HMCN2: variants seen among roughly 807,000 people sequenced by gnomAD.
HMCN2 encodes the protein hemicentin-2.
A neutral mutation model predicts 377.5 loss-of-function variants in HMCN2; 325 were observed. The ratio of observed to expected loss-of-function variants is 0.86; its 90% CI spans 0.79 to 0.94. The LOEUF is 0.94. Ranked by LOEUF, HMCN2 falls within the 40% of genes least tolerant of loss-of-function variation. HMCN2 has a pLI of 0.00. For synonymous variants in HMCN2, 2,007 were observed against 2,046.8 expected, an observed-to-expected ratio of 0.98 and a Z score of 0.53; for missense variants, 4,543 against 4,725.3, an observed-to-expected ratio of 0.96 and a Z score of 1.13.
At chr9:130,327,643 G>A (rs1838211432) in intron 22 of HMCN2, among the ~76,000 whole-genome samples, 168 bp downstream of exon 22, 2 of 152,324 alleles carry the variant, frequency 1.3e-5, no homozygotes, top group South Asian at 4.1e-4. Context: ...CCAGAAGCCT[G>A]GAAGGGGCCT....
chr9:130,395,367 C>T lies in HMCN2; in HGVS notation c.10911+20C>T, dbSNP rs1842559671. ...CTGCAGGTGGGCGCCAGGCAGGGCCCCAGGGTGCTGCCTTCTGTCCCGCTC... is the reference window on the plus strand; with the variant it reads ...CTGCAGGTGGGCGCCAGGCAGGGCCTCAGGGTGCTGCCTTCTGTCCCGCTC... On this transcript the variant is annotated intron_variant, in intron 71 of 97. Transcript: ENST00000683500. 3.1e-6 allele frequency: 4 copies of T among 1,279,828 alleles called. No homozygotes were observed. Among genetic ancestry groups the T allele is most frequent in the Non-Finnish European group, 4.1e-6 (4 of 984,100 alleles). 79.3% of individuals were successfully genotyped at this position (1,279,828 alleles called of 1,614,324 possible).
chr9:130,275,900 G>C (rs1260283635), intron 1 of HMCN2, among the ~76,000 whole-genome samples: 1 of 152,076 alleles, frequency 6.6e-6, no homozygotes, highest in African/African-American at 2.4e-5. Context: ...TGAGGTGTGA[G>C]CTGGACTAGG....
At chr9:130,403,472 C>A in intron 79 of HMCN2, 144 bp downstream of exon 79, 2 of 953,866 alleles carry the variant, frequency 2.1e-6, no homozygotes, top group Non-Finnish European at 2.8e-6. Flanking sequence ...GATACGCCCC[C>A]ACCCTTGCTC....
intron 80 of HMCN2, among the ~76,000 whole-genome samples, chr9:130,404,618 T>C (rs1843000270): frequency 1.3e-5 from 2 of 152,262 alleles, no homozygotes; most frequent in African/African-American, 4.8e-5. Flanking sequence ...TGTGTGCGTG[T>C]ATATGTGCAT....
intron 66 of HMCN2, among the ~76,000 whole-genome samples, chr9:130,392,895 C>G (rs1486399970): frequency 6.6e-6 from 1 of 151,900 alleles, no homozygotes; most frequent in Non-Finnish European, 1.5e-5. Flanking sequence ...ACTCGGGAGG[C>G]TGAGGCAGGA....
intron 8 of HMCN2, among the ~76,000 whole-genome samples, chr9:130,300,396 A>G (rs1836443416): frequency 6.6e-6 from 1 of 152,220 alleles, no homozygotes. Context: ...GCTCTTCCAT[A>G]ATCACAATCA....
chr9:130,420,238 C>A (rs892193303), intron 86 of HMCN2, among the ~76,000 whole-genome samples: 2 of 152,006 alleles, frequency 1.3e-5, no homozygotes, highest in African/African-American at 4.8e-5. Context: ...CCATGCCCGG[C>A]TAGTTTTTTG....
intron 4 of HMCN2, among the ~76,000 whole-genome samples, chr9:130,291,101 C>T (rs1295794956): frequency 6.6e-6 from 1 of 152,198 alleles, no homozygotes; most frequent in Non-Finnish European, 1.5e-5. Flanking sequence ...CTTTCTTCTT[C>T]AGCTTTCCAG....
chr9:130,307,784 A>G lies in HMCN2; in HGVS notation c.2200+218A>G, dbSNP rs112037614. Among the ~76,000 whole-genome samples, 39 of 152,122 alleles carry G rather than the reference A, an allele frequency of 2.6e-4. 1 individual carries two copies. Among genetic ancestry groups the G allele is most frequent in the African/African-American group, 9.2e-4 (38 of 41,488 alleles). ...AGCTCATGTAGGTATTCAGAGCAGC[A>G]CTGAGCCAGGCCCAGATTTGAATTC... On this transcript the variant is annotated intron_variant, in intron 14 of 97. Coordinates refer to ENST00000683500, the MANE Select transcript of HMCN2 (RefSeq NM_001291815.2).
intron 93 of HMCN2, 133 bp from the exon 94 acceptor site, chr9:130,429,424 A>T: frequency 4.3e-6 from 5 of 1,160,732 alleles, no homozygotes. Flanking sequence ...GAGGGCGGCC[A>T]TGCAGCCTGG....
Position 130,294,836 on chromosome 9 carries a change from T to A in HMCN2, c.613-19T>A, listed in dbSNP as rs1363244654. 2 of 415,950 alleles carry A rather than the reference T, an allele frequency of 4.8e-6. No individual in the cohort carries two copies. The highest frequency in any genetic ancestry group is 4.2e-5 in the African/African-American group (2 of 48,030). 25.8% of individuals were successfully genotyped at this position (415,950 alleles called of 1,614,324 possible). On this transcript the variant is annotated intron_variant, in intron 4 of 97. Transcript: ENST00000683500. ...ATTGTGGGCACCTGCCGGCATCAGC[T>A]CCTCATACTTGCCTCCAGGTGCTGA...
rs1183091842 is a variant in HMCN2 at position 130,267,474 on chromosome 9, A to ACGCG, written c.259+1338_259+1339insGCGC. On this transcript the variant is annotated intron_variant, in intron 1 of 97. Transcript: ENST00000683500. The stretch of plus-strand genomic sequence containing the variant: ...CACACACACACACACACACACACAC[A>ACGCG]CACGCACAGATTCCTTGCTAAATTG... Among the ~76,000 whole-genome samples the ACGCG allele has an allele frequency of 9.8e-5, 13 of 133,026 alleles. No individual in the cohort carries two copies. The East Asian group carries it at 1.0e-3, about 11-fold the overall frequency. 87.3% of individuals were successfully genotyped at this position (133,026 alleles called of 152,430 possible). A position where few individuals can be genotyped will look rare whatever the true frequency, so the allele number is the denominator to read the frequency against.
chr9:130,307,195 G>A (rs925260622), intron 13 of HMCN2, among the ~76,000 whole-genome samples: 17 of 152,138 alleles, frequency 1.1e-4, no homozygotes, highest in Admixed American at 7.2e-4. Context: ...TGTGCTGGGG[G>A]CGAGGGAGAA....
In HMCN2 at chr9:130,400,959, T is replaced by C. The variant is rs1158009955; in HGVS notation, c.11770+12T>C. 2 of 1,281,090 alleles carry C rather than the reference T, an allele frequency of 1.6e-6. No individual in the cohort carries two copies. Among genetic ancestry groups the C allele is most frequent in the Non-Finnish European group, 2.0e-6 (2 of 985,158 alleles). 79.4% of individuals were successfully genotyped at this position (1,281,090 alleles called of 1,614,324 possible). On this transcript the variant is annotated intron_variant, in intron 77 of 97. Coordinates refer to ENST00000683500, the MANE Select transcript of HMCN2 (RefSeq NM_001291815.2). ...TGTCTCACCATCGGGTAAGTAAGGG[T>C]AAGCCACAGAGAGAGGCAGCTGAGG...
At chr9:130,307,941 A>G (rs781894322) in intron 14 of HMCN2, among the ~76,000 whole-genome samples, 19 of 151,834 alleles carry the variant, frequency 1.3e-4, no homozygotes, top group Non-Finnish European at 2.4e-4. Context: ...TTTATTTTTT[A>G]TTTTTTTGTT....
chr9:130,422,742 A>C lies in HMCN2; in HGVS notation c.13381+16A>C, dbSNP rs1845544623. The C allele has an allele frequency of 1.6e-6, 2 of 1,272,358 alleles. No individual in the cohort carries two copies. Among genetic ancestry groups the C allele is most frequent in the Non-Finnish European group, 2.0e-6 (2 of 1,000,836 alleles). 78.8% of individuals were successfully genotyped at this position (1,272,358 alleles called of 1,614,324 possible). ...GCAAACGTGGGTGAGTGGAAGGCAG[A>C]GCATCACCTGCCTCTGGGTTATTGT... On this transcript the variant is annotated intron_variant, in intron 87 of 97. Transcript: ENST00000683500. This position sits in a 1 kb window ranked among gnomAD's most constrained non-coding sequence, Gnocchi z 4.2.
At chr9:130,365,586 A>G in intron 41 of HMCN2, 45 bp from the exon 42 acceptor site, 1 of 921,188 alleles carries the variant, frequency 1.1e-6, no homozygotes, top group Non-Finnish European at 1.3e-6. Context: ...GGGCTCACCC[A>G]TCTCTGTGCG....
rs1199249697 is a variant in HMCN2, at chr9:130,347,317, C to T, written c.3981C>T (p.Asn1327=). 10 of 152,142 alleles carry T rather than the reference C, an allele frequency of 6.6e-5. No individual in the cohort carries two copies. Among genetic ancestry groups the T allele is most frequent in the African/African-American group, 1.4e-4 (6 of 41,390 alleles). 9.4% of individuals were successfully genotyped at this position (152,142 alleles called of 1,614,324 possible). A position where few individuals can be genotyped will look rare whatever the true frequency, so the allele number is the denominator to read the frequency against. The change falls in exon 26 of 98, where the codon AAC becomes AAT. Residue 1327 remains asparagine (N), a synonymous_variant. Transcript: ENST00000683500. The surrounding 1 kb of genome is among the most constrained non-coding windows in gnomAD (Gnocchi z 5.1). The part of the protein sequence containing the change: ...DSGDYECQAT[N]EVGSTSRRAK... ...GAGACTACGAGTGCCAGGCCACCAA[C>T]GAGGTGGGCTCCACGTCCAGGAGAG...
chr9:130,327,845 C>G (rs1838225220), intron 22 of HMCN2, among the ~76,000 whole-genome samples: 1 of 152,218 alleles, frequency 6.6e-6, no homozygotes, highest in Non-Finnish European at 1.5e-5. Context: ...GGACCACGTC[C>G]CCGCCACGAC....
Sources: gnomAD v4.1 joint callset for allele counts (sites outside exome capture counted in the v4.1 genomes callset) on GRCh38, gnomAD v4.1.1 for gene constraint, Gnocchi (gnomAD v3.1) non-coding constraint, MANE v1.5 for transcripts, NCBI Gene and HGNC (gene_info 2026-07-23, HGNC 2026-07-21) for gene names.